The following DCAF10 variants were observed in gnomAD, a reference collection of about 807,000 sequenced individuals.
DCAF10 encodes the protein DDB1- and CUL4-associated factor 10.
In DCAF10, 19 loss-of-function variants were observed where a neutral mutation model predicts 51.9. The ratio of observed to expected loss-of-function variants is 0.37; its 90% CI spans 0.26 to 0.54. DCAF10 has a LOEUF of 0.54. DCAF10 is among the 20% of genes least tolerant of loss of function. The probability of loss-of-function intolerance (pLI) is 0.87; values close to 1 mark genes in which losing one functional copy is unlikely to be tolerated. For synonymous variants in DCAF10, 291 were observed against 297.1 expected (o/e 0.98, Z 0.21); for missense variants, 510 against 730.6 (o/e 0.70, Z 3.48).
intron 2 of DCAF10, among the ~76,000 whole-genome samples, chr9:37,820,166 A>G (rs1029019302): frequency 2.6e-5 from 4 of 152,238 alleles, no homozygotes; most frequent in Non-Finnish European, 5.9e-5. Context: ...TTACTAGTCA[A>G]CGTAACATAC....
chr9:37,801,975 G>T lies in DCAF10; in HGVS notation c.539+570G>T, dbSNP rs1203097513. Among the ~76,000 whole-genome samples, 2 of 152,148 alleles carry T rather than the reference G, an allele frequency of 1.3e-5. No homozygotes were observed. Among genetic ancestry groups the T allele is most frequent in the Admixed American group, 6.5e-5 (1 of 15,276 alleles). ...CTAGACTACAGCCTTTTTCTTGGCT[G>T]ATTAAATATTTATTGTATGGCTTTG... On this transcript the variant is annotated intron_variant, in intron 1 of 6. Coordinates refer to ENST00000377724, the MANE Select transcript of DCAF10 (RefSeq NM_024345.5). This position sits in a 1 kb window ranked among gnomAD's most constrained non-coding sequence, Gnocchi z 5.5.
chr9:37,844,136 A>C (rs985826926), intron 3 of DCAF10, among the ~76,000 whole-genome samples: 2 of 152,270 alleles, frequency 1.3e-5, no homozygotes, highest in Non-Finnish European at 2.9e-5. Flanking sequence ...ATAAAAAGTA[A>C]AAGTGGACAG....
At chr9:37,823,876 CTTTTTTTTTTT>C (rs1193191524) in intron 2 of DCAF10, among the ~76,000 whole-genome samples, 1 of 120,758 alleles carries the variant, frequency 8.3e-6, no homozygotes, top group Admixed American at 8.5e-5. Context: ...TAGAGCACAT[CTTTTTTTTTTT>C]TTTTTTTTTT....
chr9:37,805,247 C>T (rs774835335), intron 1 of DCAF10, among the ~76,000 whole-genome samples: 12 of 151,944 alleles, frequency 7.9e-5, no homozygotes, highest in Non-Finnish European at 1.6e-4. Context: ...TTTGGGAGGC[C>T]GAGGCGGGCG....
chr9:37,853,667 C>T (rs371593616), intron 3 of DCAF10, among the ~76,000 whole-genome samples: 2 of 151,886 alleles, frequency 1.3e-5, no homozygotes, highest in Non-Finnish European at 2.9e-5. Flanking sequence ...TGTGCAGTGG[C>T]GCAATCATGG....
rs545791577 is a variant in DCAF10 at position 37,819,984 on chromosome 9, G to T, written c.653+583G>T. On this transcript the variant is annotated intron_variant, in intron 2 of 6. Coordinates refer to ENST00000377724, the MANE Select transcript of DCAF10 (RefSeq NM_024345.5). ...ATAATACAGGGTAAAATTGTGATAA[G>T]AATTATACAAATAGATGATACAGAA... is the stretch of plus-strand genomic sequence containing the variant. Among the ~76,000 whole-genome samples, 4 of 148,002 alleles carry T rather than the reference G, an allele frequency of 2.7e-5. No individual in the cohort carries two copies. The South Asian group carries it at 8.3e-4, about 31-fold the overall frequency.
At chr9:37,800,728 C>G, upstream of DCAF10, 1 of 1,534,882 alleles carries the variant, frequency 6.5e-7, no homozygotes, top group South Asian at 1.2e-5. Flanking sequence ...CGGTCCCCGG[C>G]GGACGGTGGC....
Position 37,866,047 on chromosome 9 carries a change from G to A in DCAF10, c.*4539G>A, listed in dbSNP as rs1831130322. The A allele has an allele frequency of 6.6e-6, 1 of 152,618 alleles. No homozygotes were observed. The highest frequency in any genetic ancestry group is 1.5e-5 in the Non-Finnish European group (1 of 68,032). 9.5% of individuals were successfully genotyped at this position (152,618 alleles called of 1,614,324 possible). On this transcript the variant is annotated 3_prime_UTR_variant, in exon 7 of 7. Transcript: ENST00000377724. ...TTGCATTTAGCAGGACAAATAGTGT[G>A]ATACTTATACTGATGACAATCATCC... is the stretch of plus-strand genomic sequence containing the variant.
In DCAF10 at chr9:37,848,251, CCACA is replaced by C. The variant is rs377604062; in HGVS notation, c.851+5968_851+5971del. 1.4e-4 allele frequency among the ~76,000 whole-genome samples: 22 copies of C among 152,240 alleles called. No individual in the cohort carries two copies. The East Asian group carries it at 4.2e-3, about 29-fold the overall frequency. ...ATTCAAGAGAAATGAACATATATGG[CCACA>C]CAAAGACTTGTACATGAATATTTAT... On this transcript the variant is annotated intron_variant, in intron 3 of 6. Coordinates refer to ENST00000377724, the MANE Select transcript of DCAF10 (RefSeq NM_024345.5).
intron 2 of DCAF10, among the ~76,000 whole-genome samples, chr9:37,837,471 A>G (rs551262249): frequency 1.0e-4 from 15 of 145,406 alleles, no homozygotes; most frequent in South Asian, 2.1e-4. Flanking sequence ...AAAAAAAAAA[A>G]AAAAGAAAAG....
chr9:37,838,716 A>C (rs1021985348), intron 2 of DCAF10, among the ~76,000 whole-genome samples: 1 of 151,814 alleles, frequency 6.6e-6, no homozygotes, highest in Admixed American at 6.6e-5. Flanking sequence ...ACCTGACAAA[A>C]CCTGTCTCTA....
rs1029995450 is a variant in DCAF10 at position 37,801,076 on chromosome 9, G to C, written c.210G>C (p.Glu70Asp). ...PSLSPAPRSGELGLPGAPESS... is the reference protein window; with the variant it reads ...PSLSPAPRSGDLGLPGAPESS... ...TGTCCCCGGCCCCGCGCTCCGGAGA[G>C]CTAGGGCTGCCTGGAGCTCCGGAGT... Residue 70 changes from glutamate (E) to aspartate (D), a missense_variant, in exon 1 of 7, where the codon GAG becomes GAC. Glu to Asp is a conservative substitution (Grantham distance 45). Around this residue, in one of 4 missense-constraint regions of DCAF10, gnomAD observed 251 missense variants for 227.9 expected, o/e 1.10. Transcript: ENST00000377724. The surrounding 1 kb of genome is among the most constrained non-coding windows in gnomAD (Gnocchi z 5.5). 7 of 1,533,546 alleles carry C rather than the reference G, an allele frequency of 4.6e-6. No individual in the cohort carries two copies. Among genetic ancestry groups the C allele is most frequent in the South Asian group, 1.2e-5 (1 of 83,220 alleles). The allele number at this position is 1,533,546 out of a possible 1,614,324, so 95.0% of individuals were successfully genotyped here.
At chr9:37,843,251 A>C (rs1830385892) in intron 3 of DCAF10, among the ~76,000 whole-genome samples, 1 of 152,160 alleles carries the variant, frequency 6.6e-6, no homozygotes, top group Non-Finnish European at 1.5e-5. Flanking sequence ...TCCTGGGCTC[A>C]AGTGATCCTC....
chr9:37,810,117 A>C (rs1298850427), intron 1 of DCAF10, among the ~76,000 whole-genome samples: 2 of 151,820 alleles, frequency 1.3e-5, no homozygotes, highest in African/African-American at 4.8e-5. Context: ...GCGCCACTGC[A>C]CTCCAGCCTG....
rs1289008854 is a variant in DCAF10 at position 37,800,889 on chromosome 9, G to A, written c.23G>A (p.Ser8Asn). Residue 8 changes from serine to asparagine, a missense_variant, in exon 1 of 7, where the codon AGC becomes AAC. Ser to Asn is a conservative substitution (Grantham distance 46, BLOSUM62 1). Transcript: ENST00000377724. ...ATCATGTTTCCCTTTGGGCCCCATA[G>A]CCCTGGAGGGGACGGATCGGCCGGA... MFPFGPH[S>N]PGGDGSAGAG... is the part of the protein sequence containing the mutation. The A allele has an allele frequency of 1.3e-6, 2 of 1,498,074 alleles. No homozygotes were observed. The highest frequency in any genetic ancestry group is 1.3e-5 in the South Asian group (1 of 77,924). The allele number at this position is 1,498,074 out of a possible 1,614,324, so 92.8% of individuals were successfully genotyped here.
At chr9:37,819,435 G>A in intron 2 of DCAF10, 34 bp downstream of exon 2, 1 of 1,512,740 alleles carries the variant, frequency 6.6e-7, no homozygotes, top group Non-Finnish European at 9.1e-7. Flanking sequence ...AACTTTATCA[G>A]TGTGGCCCAA....
At chr9:37,837,958 A>C (rs1465151472) in intron 2 of DCAF10, among the ~76,000 whole-genome samples, 1 of 152,058 alleles carries the variant, frequency 6.6e-6, no homozygotes, top group African/African-American at 2.4e-5. Flanking sequence ...CTGGGAGGTC[A>C]AGGCTGCAGT....
At chr9:37,823,841 CA>C (rs1446766149) in intron 2 of DCAF10, among the ~76,000 whole-genome samples, 1 of 144,766 alleles carries the variant, frequency 6.9e-6, no homozygotes, top group African/African-American at 2.5e-5. Flanking sequence ...ATGCTTTCTT[CA>C]AAATCCAGTT....
In DCAF10 at chr9:37,861,442, A is replaced by C; in HGVS notation, c.1614A>C (p.Pro538=). 1 of 1,614,150 alleles carries C rather than the reference A, an allele frequency of 6.2e-7. No individual in the cohort carries two copies. The highest frequency in any genetic ancestry group is 8.5e-7 in the Non-Finnish European group (1 of 1,180,008). The change falls in exon 7 of 7, where the codon CCA becomes CCC. Residue 538 remains proline (P), a synonymous_variant. Transcript: ENST00000377724. This position sits in a 1 kb window ranked among gnomAD's most constrained non-coding sequence, Gnocchi z 4.9. The stretch of plus-strand genomic sequence containing the variant: ...TGGTACTGACAACAAAGTTCTCTCC[A>C]ACACATTGTCAGATTGCCTCAGGGT... The part of the protein sequence containing the change: ...NDVVLTTKFS[P]THCQIASGCL...
Sources: allele counts gnomAD v4.1 joint callset (sites outside exome capture counted in the v4.1 genomes callset), GRCh38; gene constraint gnomAD v4.1.1; regional missense constraint gnomAD v4.1.1; non-coding constraint Gnocchi (gnomAD v3.1); transcripts MANE v1.5; gene names NCBI Gene and HGNC (gene_info 2026-07-23, HGNC 2026-07-21).